The following EPS15L1 variants were observed in gnomAD, a reference collection of about 807,000 sequenced individuals.
EPS15L1 encodes epidermal growth factor receptor substrate 15-like 1.
Under a neutral mutation model 117.1 loss-of-function variants are expected in EPS15L1, and 43 were observed. The ratio of observed to expected loss-of-function variants is 0.37; its 90% CI spans 0.29 to 0.47. EPS15L1 has a LOEUF of 0.47. EPS15L1 is among the 20% of genes least tolerant of loss of function. The pLI, the probability that EPS15L1 is intolerant of heterozygous loss-of-function variation, is 0.99. For missense variants in EPS15L1, 981 were observed against 1,164.0 expected (o/e 0.84, Z 2.29); for synonymous variants, 459 against 470.5 (o/e 0.98, Z 0.32).
chr19:16,424,936 C>A lies in EPS15L1; in HGVS notation c.792+147G>T, dbSNP rs1174972019. The A allele has an allele frequency of 5.3e-6, 4 of 755,974 alleles. No homozygotes were observed. In the African/African-American group the frequency reaches 6.9e-5, roughly 13 times the overall value. 46.8% of individuals were successfully genotyped at this position (755,974 alleles called of 1,614,324 possible). A position where few individuals can be genotyped will look rare whatever the true frequency, so the allele number is the denominator to read the frequency against. ...TCGGCCTCCCAAAGTGCTGGGATTA[C>A]AGGCGTGAGCCACCGCACCTGGCCA... On this transcript the variant is annotated intron_variant, in intron 9 of 23. Coordinates refer to ENST00000455140, the MANE Select transcript of EPS15L1 (RefSeq NM_001258374.3).
In EPS15L1 at chr19:16,355,296, A is replaced by G; in HGVS notation, c.*409T>C. 1 of 175,918 alleles carries G rather than the reference A, an allele frequency of 5.7e-6. No homozygotes were observed. Among genetic ancestry groups the G allele is most frequent in the Non-Finnish European group, 1.1e-5 (1 of 89,950 alleles). 10.9% of individuals were successfully genotyped at this position (175,918 alleles called of 1,614,324 possible). ...AATCATTCAAACTTCATTTTATACA[A>G]CGAGTGCATACACCACTGGGGGAGT... On this transcript the variant is annotated 3_prime_UTR_variant, in exon 24 of 24. Coordinates refer to ENST00000455140, the MANE Select transcript of EPS15L1 (RefSeq NM_001258374.3).
Position 16,405,712 on chromosome 19 carries a change from A to T in EPS15L1, c.1267-963T>A, listed in dbSNP as rs988672472. ...CTGCATTTGTGCGAACGGGAAGGGG[A>T]GGGTATGTGTGGTATGCATCAACCT... On this transcript the variant is annotated intron_variant, in intron 13 of 23. Coordinates refer to ENST00000455140, the MANE Select transcript of EPS15L1 (RefSeq NM_001258374.3). This position sits in a 1 kb window ranked among gnomAD's most constrained non-coding sequence, Gnocchi z 4.0. Among the ~76,000 whole-genome samples, 4 of 152,042 alleles carry T rather than the reference A, an allele frequency of 2.6e-5. No homozygotes were observed. The highest frequency in any genetic ancestry group is 5.9e-5 in the Non-Finnish European group (4 of 67,984).
rs116875885 is a variant in EPS15L1, at chr19:16,429,402, G to C, written c.499-641C>G. On this transcript the variant is annotated intron_variant, in intron 7 of 23. Transcript: ENST00000455140. ...CTGCCTGCCAGGCCAACGCTGGGCAGGCTGCCAGTCCCCGGATCTAAGCAG... is the reference window on the plus strand; with the variant it reads ...CTGCCTGCCAGGCCAACGCTGGGCACGCTGCCAGTCCCCGGATCTAAGCAG... 4.0e-3 allele frequency among the ~76,000 whole-genome samples: 607 copies of C among 152,332 alleles called. 26 individuals carry two copies. The highest frequency in any genetic ancestry group is 0.036 in the Admixed American group (548 of 15,306).
At chr19:16,416,175 G>A (rs56397532) in intron 12 of EPS15L1, among the ~76,000 whole-genome samples, 4,644 of 151,562 alleles carry the variant, frequency 0.031, 92 homozygotes, top group Non-Finnish European at 0.037. Context: ...TATGACCCCC[G>A]GGGATCCCCC....
intron 1 of EPS15L1, among the ~76,000 whole-genome samples, chr19:16,461,031 C>T (rs370720059): frequency 1.9e-3 from 285 of 151,968 alleles, no homozygotes; most frequent in East Asian, 6.6e-3. Context: ...TGGGGCCAGG[C>T]GCGGTGGCTC....
intron 8 of EPS15L1, 104 bp downstream of exon 8, chr19:16,428,597 AG>A: frequency 1.4e-6 from 1 of 727,142 alleles, no homozygotes; most frequent in Non-Finnish European, 2.3e-6. Flanking sequence ...AGAAAAGAAA[AG>A]AAAAAAGAAA....
intron 1 of EPS15L1, among the ~76,000 whole-genome samples, chr19:16,461,789 G>C (rs1357396582): frequency 2.0e-5 from 3 of 152,226 alleles, no homozygotes; most frequent in African/African-American, 7.2e-5. Flanking sequence ...TGCCCTGACT[G>C]CTGTCACCGG....
rs148680953 is a variant in EPS15L1 at position 16,470,591 on chromosome 19, G to A, written c.33+1322C>T. Among the ~76,000 whole-genome samples, 1,283 of 147,806 alleles carry A rather than the reference G, an allele frequency of 8.7e-3. 15 individuals carry two copies. Among genetic ancestry groups the A allele is most frequent in the Non-Finnish European group, 0.013 (905 of 67,628 alleles). On this transcript the variant is annotated intron_variant, in intron 1 of 23. Transcript: ENST00000455140. ...GGTAGGACACTTAACAGTTTACAGA[G>A]CACTTTCATGTCAGTAACAAGAACT...
chr19:16,378,888 A>G (rs1326130377), intron 21 of EPS15L1, among the ~76,000 whole-genome samples: 1 of 152,242 alleles, frequency 6.6e-6, no homozygotes, highest in Non-Finnish European at 1.5e-5. Context: ...AAATAACTAC[A>G]TTTTTACTAA....
At chr19:16,389,266 C>A (rs1395626471) in intron 19 of EPS15L1, among the ~76,000 whole-genome samples, 1 of 151,826 alleles carries the variant, frequency 6.6e-6, no homozygotes, top group African/African-American at 2.4e-5. Context: ...ACCAGCCTGG[C>A]CAACATATGG....
intron 22 of EPS15L1, among the ~76,000 whole-genome samples, chr19:16,367,171 A>G (rs969502029): frequency 5.8e-4 from 88 of 151,574 alleles, no homozygotes; most frequent in African/African-American, 1.9e-3. Flanking sequence ...TGATGGCATC[A>G]AACCAGGTGC....
Position 16,428,767 on chromosome 19 carries a change from AG to A in EPS15L1, c.499-7del. The A allele has an allele frequency of 6.2e-7, 1 of 1,607,878 alleles. No individual in the cohort carries two copies. On this transcript the variant is annotated splice_polypyrimidine_tract_variant and splice_region_variant and intron_variant, in intron 7 of 23. Coordinates refer to ENST00000455140, the MANE Select transcript of EPS15L1 (RefSeq NM_001258374.3). ...ATGTCACTGAGGTCCCAGACCTGCA[AG>A]GGAGAGACCAGCATGGGTAACTGTG... is the stretch of plus-strand genomic sequence containing the variant.
rs771355456 is a variant in EPS15L1, at chr19:16,408,657, C to CA, written c.1267-3909dup. Among the ~76,000 whole-genome samples the CA allele has an allele frequency of 2.4e-3, 255 of 106,742 alleles. 1 individual carries two copies. The highest frequency in any genetic ancestry group is 4.7e-3 in the Middle Eastern group (1 of 212). The allele number at this position is 106,742 out of a possible 152,430, so 70.0% of individuals were successfully genotyped here. A position where few individuals can be genotyped will look rare whatever the true frequency, so the allele number is the denominator to read the frequency against. ...CCTGAGTGACAGTGAGACTCCGTCTCAAAAAAAAAAAAAAATCACATGGAA... is the reference window on the plus strand; with the variant it reads ...CCTGAGTGACAGTGAGACTCCGTCTCAAAAAAAAAAAAAAAATCACATGGAA... On this transcript the variant is annotated intron_variant, in intron 13 of 23. Transcript: ENST00000455140.
rs35243922 is a variant in EPS15L1, at chr19:16,404,711, C to T, written c.1305G>A (p.Leu435=). ...QNDLDRETSS[L]QELEAQKQDA... ...CCTGTTTCTGAGCCTCGAGCTCCTGCAAACTGCTTGTTTCCCGGTCTAGGT... is the reference window on the plus strand; with the variant it reads ...CCTGTTTCTGAGCCTCGAGCTCCTGTAAACTGCTTGTTTCCCGGTCTAGGT... The change falls in exon 14 of 24, where the codon TTG becomes TTA. Residue 435 remains leucine (L), a synonymous_variant. Coordinates refer to ENST00000455140, the MANE Select transcript of EPS15L1 (RefSeq NM_001258374.3). The surrounding 1 kb of genome is among the most constrained non-coding windows in gnomAD (Gnocchi z 4.2). The T allele has an allele frequency of 1.6e-3, 2,571 of 1,614,228 alleles. 8 individuals are homozygous for T. The highest frequency in any genetic ancestry group is 1.9e-3 in the Non-Finnish European group (2,235 of 1,180,046).
At chr19:16,360,778 G>T (rs983722902) in intron 23 of EPS15L1, among the ~76,000 whole-genome samples, 3 of 152,114 alleles carry the variant, frequency 2.0e-5, no homozygotes, top group Non-Finnish European at 2.9e-5. Context: ...ATAAGCCATA[G>T]GATAGCTGTG....
At chr19:16,384,168 G>A (rs1268333873) in intron 21 of EPS15L1, 5 of 152,300 alleles carry the variant, frequency 3.3e-5, no homozygotes, top group Non-Finnish European at 7.3e-5. Context: ...GGCCCCTGCA[G>A]CCCCCCGAAG....
chr19:16,467,978 C>T (rs2145210625), intron 1 of EPS15L1, among the ~76,000 whole-genome samples: 1 of 152,248 alleles, frequency 6.6e-6, no homozygotes, highest in South Asian at 2.1e-4. Context: ...GCAAAAGCTC[C>T]TGGATGAAGA....
At chr19:16,428,593 G>A (rs910440516) in intron 8 of EPS15L1, 109 bp downstream of exon 8, 23 of 709,478 alleles carry the variant, frequency 3.2e-5, no homozygotes, top group Non-Finnish European at 4.2e-5. Flanking sequence ...GAAAAGAAAA[G>A]AAAAGAAAAA....
chr19:16,378,295 C>G (rs891496947), intron 21 of EPS15L1, among the ~76,000 whole-genome samples: 16 of 152,108 alleles, frequency 1.1e-4, no homozygotes, highest in African/African-American at 3.9e-4. Flanking sequence ...CCTGATTTTT[C>G]AGGCTCACCT....
Sources: gnomAD v4.1 joint callset for allele counts (sites outside exome capture counted in the v4.1 genomes callset) on GRCh38, gnomAD v4.1.1 for gene constraint, Gnocchi (gnomAD v3.1) non-coding constraint, MANE v1.5 for transcripts, NCBI Gene and HGNC (gene_info 2026-07-23, HGNC 2026-07-21) for gene names.